The following AXDND1 variants were observed in gnomAD, a reference collection of about 807,000 sequenced individuals.
AXDND1 encodes the protein axonemal dynein light chain domain-containing protein 1.
Under a neutral mutation model 137.5 loss-of-function variants are expected in AXDND1, and 110 were observed. The observed-to-expected ratio is 0.80, with a 90% CI of 0.69 to 0.94. The LOEUF (loss-of-function observed/expected upper bound fraction) is 0.94, where lower values mean the gene tolerates loss of function less well. AXDND1 is among the 40% of genes least tolerant of loss of function. AXDND1 has a pLI of 0.00. For missense variants in AXDND1, 1,191 were observed against 1,169.8 expected, an observed-to-expected ratio of 1.02 and a Z score of -0.26; for synonymous variants, 414 against 399.7, an observed-to-expected ratio of 1.04 and a Z score of -0.43.
intron 17 of AXDND1, among the ~76,000 whole-genome samples, chr1:179,472,898 A>C (rs1297938998): frequency 6.6e-6 from 1 of 152,062 alleles, no homozygotes; most frequent in African/African-American, 2.4e-5. Flanking sequence ...GTATCTTTGA[A>C]TCTCAAGTGT....
chr1:179,368,868 A>T lies in AXDND1; in HGVS notation c.166A>T (p.Asn56Tyr), dbSNP rs2125039362. 2 of 1,613,910 alleles carry T rather than the reference A, an allele frequency of 1.2e-6. No individual in the cohort carries two copies. The highest frequency in any genetic ancestry group is 1.7e-4 in the Middle Eastern group (1 of 6,060). ...AAAACTCCTTCCTACTTCCCTTCAGAATGAGTTCATTCCCAAAGAAGTTCT... is the reference window on the plus strand; with the variant it reads ...AAAACTCCTTCCTACTTCCCTTCAGTATGAGTTCATTCCCAAAGAAGTTCT... ...RSKLLPTSLQ[N>Y]EFIPKEVLLS... The change falls in exon 3 of 26, where the codon AAT (asparagine) becomes TAT (tyrosine). Residue 56 changes from asparagine (N) to tyrosine (Y), a missense_variant. Coordinates refer to ENST00000367618, the MANE Select transcript of AXDND1 (RefSeq NM_144696.6).
At chr1:179,449,166 A>T (rs956726110) in intron 16 of AXDND1, 6 of 453,414 alleles carry the variant, frequency 1.3e-5, no homozygotes, top group Non-Finnish European at 2.7e-5. Context: ...AATTAGAGGC[A>T]TAATCCACCG....
chr1:179,434,942 C>G (rs958994058), intron 15 of AXDND1, among the ~76,000 whole-genome samples: 7 of 152,108 alleles, frequency 4.6e-5, no homozygotes, highest in South Asian at 2.1e-4. Context: ...TTTAGAAAAC[C>G]CCATCGTCTC....
intron 21 of AXDND1, among the ~76,000 whole-genome samples, chr1:179,513,188 T>C (rs983019581): frequency 2.0e-5 from 3 of 152,166 alleles, no homozygotes; most frequent in Non-Finnish European, 2.9e-5. Context: ...CAATATTATG[T>C]TTGCTGTGGA....
intron 15 of AXDND1, among the ~76,000 whole-genome samples, chr1:179,441,704 C>T (rs1468557980): frequency 3.9e-5 from 6 of 152,114 alleles, no homozygotes; most frequent in East Asian, 1.9e-4. Flanking sequence ...GCACATTTAG[C>T]GGCCTGTACA....
chr1:179,366,471 T>C lies in AXDND1; in HGVS notation c.-39T>C. ...TGTCTAAATTAGCTTTCCGGAGGAC[T>C]ATTTCAAATTACTAAAGAGATAGGA... is the stretch of plus-strand genomic sequence containing the variant. On this transcript the variant is annotated 5_prime_UTR_variant, in exon 2 of 26. Transcript: ENST00000367618. 1 of 1,528,756 alleles carries C rather than the reference T, an allele frequency of 6.5e-7. No individual in the cohort carries two copies. Among genetic ancestry groups the C allele is most frequent in the Non-Finnish European group, 9.1e-7 (1 of 1,103,658 alleles). 94.7% of individuals were successfully genotyped at this position (1,528,756 alleles called of 1,614,324 possible).
At chr1:179,516,881 G>A in intron 21 of AXDND1, among the ~76,000 whole-genome samples, 1 of 152,196 alleles carries the variant, frequency 6.6e-6, no homozygotes, top group Non-Finnish European at 1.5e-5. Context: ...AACAGTTCGT[G>A]AGGGTTCTTA....
chr1:179,509,707 C>T (rs1371880853), intron 21 of AXDND1, among the ~76,000 whole-genome samples: 3 of 152,206 alleles, frequency 2.0e-5, no homozygotes, highest in African/African-American at 7.2e-5. Context: ...TGTGCTCACC[C>T]TTTTCCCTCC....
At chr1:179,405,831 G>T (rs1652873888) in intron 11 of AXDND1, among the ~76,000 whole-genome samples, 1 of 143,226 alleles carries the variant, frequency 7.0e-6, no homozygotes, top group Non-Finnish European at 1.6e-5. Flanking sequence ...TTTTTATTTT[G>T]TTGATATTTT....
At chr1:179,430,937 T>C (rs900076699) in intron 14 of AXDND1, among the ~76,000 whole-genome samples, 1 of 152,216 alleles carries the variant, frequency 6.6e-6, no homozygotes, top group African/African-American at 2.4e-5. Flanking sequence ...CTGCAAATCA[T>C]ATGCAGAGAC....
chr1:179,551,151 G>T, intron 25 of AXDND1: 1 of 1,613,350 alleles, frequency 6.2e-7, no homozygotes. Flanking sequence ...CCCCTTTACA[G>T]TCACATTATG....
chr1:179,485,590 T>G (rs1030087556), intron 18 of AXDND1, among the ~76,000 whole-genome samples: 1 of 152,104 alleles, frequency 6.6e-6, no homozygotes, highest in African/African-American at 2.4e-5. Context: ...TCACAAAGAT[T>G]AGAAAGAGCC....
chr1:179,490,820 T>A (rs998828431), intron 18 of AXDND1, among the ~76,000 whole-genome samples: 18 of 152,002 alleles, frequency 1.2e-4, no homozygotes, highest in African/African-American at 4.4e-4. Flanking sequence ...AGATATGATG[T>A]CATCAAAATT....
intron 16 of AXDND1, chr1:179,454,946 C>A (rs12407625): frequency 0.81 from 120,811 of 148,630 alleles, 48,178 homozygotes; most frequent in East Asian, 0.9. Context: ...ATACAAAAAA[C>A]TTAGCCGGGC....
intron 11 of AXDND1, among the ~76,000 whole-genome samples, chr1:179,400,292 T>C (rs1487733669): frequency 6.6e-6 from 1 of 152,184 alleles, no homozygotes; most frequent in Admixed American, 6.6e-5. Context: ...TGGATGAGAT[T>C]GGAGACCATT....
At chr1:179,466,480 GT>G (rs1322122166) in intron 16 of AXDND1, among the ~76,000 whole-genome samples, 1 of 151,526 alleles carries the variant, frequency 6.6e-6, no homozygotes, top group East Asian at 1.9e-4. Context: ...TAGTGTGTTA[GT>G]TTAACTTTCT....
intron 6 of AXDND1, among the ~76,000 whole-genome samples, chr1:179,381,197 T>G (rs991785615): frequency 6.6e-6 from 1 of 150,970 alleles, no homozygotes; most frequent in Non-Finnish European, 1.5e-5. Flanking sequence ...GGCACCACGG[T>G]GCCTGGCTAA....
chr1:179,444,309 T>C (rs1278936511), intron 15 of AXDND1, among the ~76,000 whole-genome samples: 1 of 152,066 alleles, frequency 6.6e-6, no homozygotes, highest in East Asian at 1.9e-4. Flanking sequence ...CTTACCTAAG[T>C]TATCTATAAA....
chr1:179,519,645 A>T (rs2125670745), intron 21 of AXDND1, among the ~76,000 whole-genome samples: 1 of 152,194 alleles, frequency 6.6e-6, no homozygotes, highest in South Asian at 2.1e-4. Flanking sequence ...TGAATAGGGA[A>T]TTCTTTCCCT....
Sources: gnomAD v4.1 joint callset for allele counts (sites outside exome capture counted in the v4.1 genomes callset) on GRCh38, gnomAD v4.1.1 for gene constraint, MANE v1.5 for transcripts, NCBI Gene and HGNC (gene_info 2026-07-23, HGNC 2026-07-21) for gene names.